Variants in RNF123 observed in about 807,000 individuals in gnomAD.
RNF123 encodes E3 ubiquitin-protein ligase RNF123.
RNF123 carries 86 observed loss-of-function variants against 168.5 expected under a neutral mutation model. That is an observed-to-expected ratio of 0.51 (90% confidence interval 0.43 to 0.61). The LOEUF (loss-of-function observed/expected upper bound fraction) is 0.61, where lower values mean the gene tolerates loss of function less well. Ranked by LOEUF, RNF123 falls within the 20% of genes least tolerant of loss-of-function variation. The probability of loss-of-function intolerance (pLI) is 0.00; values close to 1 mark genes in which losing one functional copy is unlikely to be tolerated. For missense variants in RNF123, 1,419 were observed against 1,729.7 expected, an observed-to-expected ratio of 0.82 and a Z score of 3.19; for synonymous variants, 666 against 689.1, an observed-to-expected ratio of 0.97 and a Z score of 0.52.
Position 49,721,331 on chromosome 3 carries a change from A to G in RNF123, c.*26A>G, listed in dbSNP as rs4768. On this transcript the variant is annotated 3_prime_UTR_variant, in exon 39 of 39. Coordinates refer to ENST00000327697, the MANE Select transcript of RNF123 (RefSeq NM_022064.5). ...CCCTCACAGCCTGTGCCATCCTGGA[A>G]CCTCCACCTTTGAACCCAGAGCCAG... 480,821 of 1,613,390 alleles carry G rather than the reference A, an allele frequency of 0.3. 73,936 individuals are homozygous for G. The highest frequency in any genetic ancestry group is 0.32 in the Non-Finnish European group (375,464 of 1,179,554).
At chr3:49,707,157 C>G (rs576895855) in intron 26 of RNF123, among the ~76,000 whole-genome samples, 7 of 152,144 alleles carry the variant, frequency 4.6e-5, no homozygotes, top group Admixed American at 2.0e-4. Flanking sequence ...CTGTCTGCCT[C>G]CCCTGCTCCC....
chr3:49,699,665 C>A lies in RNF123; in HGVS notation c.880-3C>A, dbSNP rs1344294839. On this transcript the variant is annotated splice_region_variant and splice_polypyrimidine_tract_variant and intron_variant, in intron 11 of 38. Transcript: ENST00000327697. The surrounding 1 kb of genome is among the most constrained non-coding windows in gnomAD (Gnocchi z 4.8). The stretch of plus-strand genomic sequence containing the variant: ...CACTTCTCCCTCCTCCCCCTCCACA[C>A]AGGAGGGGCGGCTGTTGGACAAGGA... 1 of 1,613,160 alleles carries A rather than the reference C, an allele frequency of 6.2e-7. No individual in the cohort carries two copies. Among genetic ancestry groups the A allele is most frequent in the African/African-American group, 1.3e-5 (1 of 74,922 alleles).
chr3:49,699,333 G>A lies in RNF123; in HGVS notation c.765-135G>A. ...GAGGAATGTGAAGCATCCTCCCTAG[G>A]GAGAATAAGTGGGCAAGTTGTGATG... On this transcript the variant is annotated intron_variant, in intron 10 of 38. Coordinates refer to ENST00000327697, the MANE Select transcript of RNF123 (RefSeq NM_022064.5). The surrounding 1 kb of genome is among the most constrained non-coding windows in gnomAD (Gnocchi z 4.8). The A allele has an allele frequency of 1.0e-6, 1 of 954,426 alleles. No homozygotes were observed. Among genetic ancestry groups the A allele is most frequent in the Non-Finnish European group, 1.6e-6 (1 of 631,754 alleles). 59.1% of individuals were successfully genotyped at this position (954,426 alleles called of 1,614,324 possible).
At chr3:49,697,580 C>T (rs1235493095) in intron 5 of RNF123, 123 bp downstream of exon 5, 4 of 769,456 alleles carry the variant, frequency 5.2e-6, no homozygotes, top group East Asian at 2.7e-5. Context: ...CTTGTCCTGA[C>T]GTGGCCCCAG....
At position 49,700,268 on chromosome 3, in the gene RNF123, G is replaced by T. The variant is rs1356168872; in HGVS notation, c.1026G>T (p.Leu342Phe). 1 of 1,614,224 alleles carries T rather than the reference G, an allele frequency of 6.2e-7. No homozygotes were observed. Among genetic ancestry groups the T allele is most frequent in the Non-Finnish European group, 8.5e-7 (1 of 1,180,032 alleles). ...YLVEAVLMSF[L>F]LGIVEKGTPT... ...TGGAGGCTGTGCTCATGAGCTTCTT[G>T]CTGGGCATCGTGGAGAAGGGCACAC... The change falls in exon 13 of 39, where the codon TTG (leucine) becomes TTT (phenylalanine). Residue 342 changes from leucine to phenylalanine, a missense_variant. Coordinates refer to ENST00000327697, the MANE Select transcript of RNF123 (RefSeq NM_022064.5).
At chr3:49,711,962 C>T (rs1190195149) in intron 26 of RNF123, among the ~76,000 whole-genome samples, 1 of 152,172 alleles carries the variant, frequency 6.6e-6, no homozygotes, top group Admixed American at 6.5e-5. Flanking sequence ...AGTCACAGCA[C>T]CCTCTTGCCT....
chr3:49,718,612 T>C, intron 35 of RNF123: 1 of 1,612,982 alleles, frequency 6.2e-7, no homozygotes, highest in Non-Finnish European at 8.5e-7. Context: ...CAGGTGCTCT[T>C]CCGGCCGCTC....
intron 21 of RNF123, 132 bp from the exon 22 acceptor site, chr3:49,704,518 C>T: frequency 2.9e-6 from 2 of 687,564 alleles, no homozygotes; most frequent in Non-Finnish European, 4.9e-6. Flanking sequence ...GGGCGAGGGG[C>T]AGATACGGTG....
At chr3:49,704,534 C>T in intron 21 of RNF123, 116 bp from the exon 22 acceptor site, 1 of 810,626 alleles carries the variant, frequency 1.2e-6, no homozygotes, top group Non-Finnish European at 2.0e-6. Flanking sequence ...CGGTGCTAAA[C>T]CGGGCTCTGC....
intron 21 of RNF123, among the ~76,000 whole-genome samples, chr3:49,703,789 G>T (rs2054457751): frequency 6.6e-6 from 1 of 152,202 alleles, no homozygotes; most frequent in African/African-American, 2.4e-5. Flanking sequence ...GGGCGTGCAG[G>T]TGCTGCCGGA....
At chr3:49,718,954 G>C (rs758638625) in intron 35 of RNF123, 17 of 1,613,694 alleles carry the variant, frequency 1.1e-5, no homozygotes, top group Admixed American at 6.7e-5. Context: ...GAAGGAGAAC[G>C]AGGCGAGTTC....
intron 8 of RNF123, 68 bp downstream of exon 8, chr3:49,698,594 G>A (rs2054314426): frequency 1.9e-6 from 3 of 1,576,746 alleles, no homozygotes; most frequent in Non-Finnish European, 2.6e-6. Flanking sequence ...GAGCCACTGG[G>A]CAGCCATAAG....
chr3:49,700,438 C>T (rs1431401859), intron 13 of RNF123, 34 bp from the exon 14 acceptor site: 1 of 1,612,350 alleles, frequency 6.2e-7, no homozygotes, highest in South Asian at 1.1e-5. Context: ...GGAAAAGGCC[C>T]CAGTCATGGC....
At chr3:49,707,439 C>T (rs750564407) in intron 26 of RNF123, among the ~76,000 whole-genome samples, 1 of 152,198 alleles carries the variant, frequency 6.6e-6, no homozygotes, top group Non-Finnish European at 1.5e-5. Context: ...TCTGAAGGCA[C>T]TCAGCCTGGT....
chr3:49,717,849 G>T, intron 35 of RNF123: 1 of 1,294,528 alleles, frequency 7.7e-7, no homozygotes, highest in Non-Finnish European at 1.1e-6. Context: ...GGGGGGCCAG[G>T]CACAGTGCTT....
At chr3:49,719,737 GCTC>G in intron 35 of RNF123, 1 of 402,658 alleles carries the variant, frequency 2.5e-6, no homozygotes, top group Non-Finnish European at 4.6e-6. Flanking sequence ...CGGGGCCCGG[GCTC>G]CTATTGGTTC....
intron 35 of RNF123, 112 bp from the exon 36 acceptor site, chr3:49,720,399 T>C: frequency 9.1e-7 from 1 of 1,098,176 alleles, no homozygotes; most frequent in East Asian, 2.6e-5. Context: ...ACGGAAAGGA[T>C]GCAGGGGGGG....
intron 26 of RNF123, among the ~76,000 whole-genome samples, chr3:49,711,883 C>T (rs1360003040): frequency 2.6e-5 from 4 of 152,134 alleles, no homozygotes; most frequent in Non-Finnish European, 4.4e-5. Flanking sequence ...TTCTGCCTGT[C>T]TGCTTACCAT....
chr3:49,706,143 G>T, intron 25 of RNF123, 78 bp downstream of exon 25: 3 of 1,337,506 alleles, frequency 2.2e-6, no homozygotes. Flanking sequence ...GGTTCTGGGG[G>T]CTGCCCTGGC....
Sources: allele counts gnomAD v4.1 joint callset (sites outside exome capture counted in the v4.1 genomes callset), GRCh38; gene constraint gnomAD v4.1.1; non-coding constraint Gnocchi (gnomAD v3.1); transcripts MANE v1.5; gene names NCBI Gene and HGNC (gene_info 2026-07-23, HGNC 2026-07-21).